UBR3: variants seen among roughly 807,000 people sequenced by gnomAD.
The protein encoded by UBR3 is ubiquitin protein ligase E3 component n-recognin 3, also known as E3 ubiquitin-protein ligase UBR3.
UBR3 carries 85 observed loss-of-function variants against 243.2 expected under a neutral mutation model. The ratio of observed to expected loss-of-function variants is 0.35; its 90% CI spans 0.29 to 0.42. The LOEUF (loss-of-function observed/expected upper bound fraction) is 0.42. UBR3 is among the 10% of genes least tolerant of loss of function. The pLI is 1.00. For missense variants in UBR3, 1,686 were observed against 2,300.8 expected (o/e 0.73, Z 5.47); for synonymous variants, 748 against 799.8 (o/e 0.94, Z 1.09).
chr2:169,881,729 T>TAA (rs2083841305), intron 5 of UBR3, among the ~76,000 whole-genome samples: 1 of 139,972 alleles, frequency 7.1e-6, no homozygotes, highest in African/African-American at 2.6e-5. Context: ...TATATTTATA[T>TAA]TATATATTAT....
At chr2:170,069,733 A>C (rs1469443729) in intron 35 of UBR3, among the ~76,000 whole-genome samples, 1 of 151,948 alleles carries the variant, frequency 6.6e-6, no homozygotes, top group East Asian at 1.9e-4. Flanking sequence ...TGTTGTGATA[A>C]ATTGACAGCA....
At chr2:169,915,850 G>T (rs1269405126) in intron 11 of UBR3, among the ~76,000 whole-genome samples, 1 of 151,954 alleles carries the variant, frequency 6.6e-6, no homozygotes, top group East Asian at 1.9e-4. Flanking sequence ...TATTCAATGG[G>T]TTATAAGCTA....
chr2:170,050,291 A>T (rs1410677144), intron 32 of UBR3, among the ~76,000 whole-genome samples: 1 of 152,202 alleles, frequency 6.6e-6, no homozygotes, highest in Non-Finnish European at 1.5e-5. Flanking sequence ...AGTAACTCCA[A>T]ATCATAAAAG....
chr2:169,857,974 G>C (rs2082949178), intron 1 of UBR3, among the ~76,000 whole-genome samples: 1 of 152,274 alleles, frequency 6.6e-6, no homozygotes, highest in South Asian at 2.1e-4. Flanking sequence ...GCTTTTGTAG[G>C]CTGTAGTGTT....
At chr2:169,860,358 A>G (rs2083046132) in intron 1 of UBR3, among the ~76,000 whole-genome samples, 1 of 152,124 alleles carries the variant, frequency 6.6e-6, no homozygotes, top group Admixed American at 6.5e-5. Context: ...CTCAGGGCTT[A>G]TCTTTAAGCT....
At chr2:170,001,219 C>G in intron 26 of UBR3, 85 bp from the exon 27 acceptor site, 1 of 911,416 alleles carries the variant, frequency 1.1e-6, no homozygotes, top group Admixed American at 2.2e-5. Flanking sequence ...GGAAATCATG[C>G]AGAGGTTTAT....
chr2:169,970,102 TTTTCACAGTATTCTTCCAATCCATGACA>T (rs1292744352), intron 24 of UBR3, among the ~76,000 whole-genome samples: 1 of 152,008 alleles, frequency 6.6e-6, no homozygotes, highest in East Asian at 1.9e-4. Flanking sequence ...AGTGTGGTCA[TTTTCACAGTATTCTTCCAATCCATGACA>T]TGAGATGTCT....
chr2:170,008,875 T>C lies in UBR3; in HGVS notation c.4302T>C (p.Tyr1434=), dbSNP rs777035235. The change falls in exon 29 of 39, where the codon TAT becomes TAC. Residue 1434 remains tyrosine, a synonymous_variant. Transcript: ENST00000272793. The part of the protein sequence containing the change: ...KDIKNTTQKK[Y]RDYSKTPGSP... ...TAAAAAATACCACTCAGAAGAAATATAGAGACTATAGCAAGACCCCGGGCT... is the reference window on the plus strand; with the variant it reads ...TAAAAAATACCACTCAGAAGAAATACAGAGACTATAGCAAGACCCCGGGCT... The C allele has an allele frequency of 6.9e-6, 11 of 1,584,084 alleles. No homozygotes were observed. The highest frequency in any genetic ancestry group is 1.7e-4 in the Middle Eastern group (1 of 6,008).
chr2:169,901,560 T>C (rs1016004061), intron 8 of UBR3, among the ~76,000 whole-genome samples: 1 of 152,164 alleles, frequency 6.6e-6, no homozygotes, highest in Admixed American at 6.5e-5. Flanking sequence ...CTCTGTACTT[T>C]CTTTTTATTT....
At chr2:169,954,223 G>GTCTTGTCTTGTCTTGTCTTCTCTTC (rs1311219124) in intron 23 of UBR3, among the ~76,000 whole-genome samples, 70 of 124,640 alleles carry the variant, frequency 5.6e-4, no homozygotes, top group African/African-American at 1.9e-3. Context: ...GTCTTGTCTT[G>GTCTTGTCTTGTCTTGTCTTCTCTTC]TCTTCTCTTC....
At chr2:169,909,449 T>C (rs1385642583) in intron 10 of UBR3, among the ~76,000 whole-genome samples, 1 of 151,960 alleles carries the variant, frequency 6.6e-6, no homozygotes, top group Non-Finnish European at 1.5e-5. Context: ...TCTGAAAAAG[T>C]TGAGCTTATA....
intron 1 of UBR3, among the ~76,000 whole-genome samples, chr2:169,850,232 G>A (rs2082612784): frequency 7.1e-6 from 1 of 141,186 alleles, no homozygotes; most frequent in Non-Finnish European, 1.5e-5. Context: ...AGGCTGGAGT[G>A]CAGCAGCATG....
intron 24 of UBR3, among the ~76,000 whole-genome samples, chr2:169,982,071 TTC>T (rs1268698604): frequency 6.6e-6 from 1 of 152,210 alleles, no homozygotes; most frequent in African/African-American, 2.4e-5. Flanking sequence ...TAGCAAGTAC[TTC>T]TCAGTTGTTT....
At chr2:169,915,668 A>G (rs2085434893) in intron 11 of UBR3, among the ~76,000 whole-genome samples, 1 of 152,068 alleles carries the variant, frequency 6.6e-6, no homozygotes, top group Non-Finnish European at 1.5e-5. Flanking sequence ...GTAGTTTGTG[A>G]TTTGTGTTCT....
chr2:169,927,547 C>A, intron 17 of UBR3, 142 bp downstream of exon 17: 2 of 597,448 alleles, frequency 3.3e-6, no homozygotes, highest in Non-Finnish European at 5.5e-6. Flanking sequence ...CAGTTGTGTG[C>A]TCAAGTATGT....
intron 10 of UBR3, among the ~76,000 whole-genome samples, chr2:169,909,729 ATG>A (rs769259598): frequency 4.9e-5 from 6 of 122,002 alleles, no homozygotes; most frequent in Admixed American, 1.7e-4. Flanking sequence ...CCCACAATGC[ATG>A]TGTGTGTGTG....
At chr2:169,976,024 T>A (rs1043564720) in intron 24 of UBR3, among the ~76,000 whole-genome samples, 2 of 151,712 alleles carry the variant, frequency 1.3e-5, no homozygotes, top group South Asian at 2.1e-4. Flanking sequence ...TGCTTGAAAT[T>A]TTTTTTTTAA....
intron 18 of UBR3, 74 bp downstream of exon 18, chr2:169,928,942 A>T: frequency 8.3e-7 from 1 of 1,204,240 alleles, no homozygotes; most frequent in East Asian, 2.9e-5. Flanking sequence ...GTATTAAAAG[A>T]AAATGTTTAC....
chr2:170,017,101 A>T (rs2090257821), intron 30 of UBR3, among the ~76,000 whole-genome samples: 1 of 151,854 alleles, frequency 6.6e-6, no homozygotes, highest in African/African-American at 2.4e-5. Flanking sequence ...ATAAAATTCA[A>T]ACTTAAGTTG....
Sources: allele counts gnomAD v4.1 joint callset (sites outside exome capture counted in the v4.1 genomes callset), GRCh38; gene constraint gnomAD v4.1.1; transcripts MANE v1.5; gene names NCBI Gene and HGNC (gene_info 2026-07-23, HGNC 2026-07-21).